RGPD1: variants seen among roughly 807,000 people sequenced by gnomAD.
RGPD1 encodes RANBP2 like and GRIP domain containing 1.
Under a neutral mutation model 40.6 loss-of-function variants are expected in RGPD1, and 7 were observed. That is an observed-to-expected ratio of 0.17 (90% CI 0.10 to 0.32). The LOEUF (loss-of-function observed/expected upper bound fraction) is 0.32, where lower values mean the gene tolerates loss of function less well. Ranked by LOEUF, RGPD1 falls within the 10% of genes least tolerant of loss-of-function variation. The pLI is 1.00. For missense variants in RGPD1, 50 were observed against 472.5 expected (o/e 0.11, Z 8.29); for synonymous variants, 24 against 167.0 (o/e 0.14, Z 6.60).
At chr2:86,931,542 C>G (rs1678962882) in intron 1 of RGPD1, among the ~76,000 whole-genome samples, 2 of 151,900 alleles carry the variant, frequency 1.3e-5, no homozygotes, top group South Asian at 4.1e-4. Flanking sequence ...ATGATTTCAG[C>G]AGATTATTAC....
chr2:86,919,931 C>G (rs1377533006), intron 1 of RGPD1, among the ~76,000 whole-genome samples: 37 of 147,574 alleles, frequency 2.5e-4, no homozygotes, highest in African/African-American at 9.4e-4. Context: ...ACTCAGTGAA[C>G]ATTTGTTGAG....
At chr2:86,934,985 ACAC>A (rs1679250466) in intron 1 of RGPD1, among the ~76,000 whole-genome samples, 1 of 131,832 alleles carries the variant, frequency 7.6e-6, no homozygotes, top group African/African-American at 2.8e-5. Flanking sequence ...CTACGGGCGC[ACAC>A]CACCACGCCC....
At chr2:86,942,642 G>A (rs1436655110) in intron 1 of RGPD1, among the ~76,000 whole-genome samples, 2 of 139,060 alleles carry the variant, frequency 1.4e-5, no homozygotes, top group East Asian at 2.1e-4. Flanking sequence ...TTGAGGCGCC[G>A]GCCTCGACCT....
chr2:86,944,659 C>T (rs1224418281), intron 1 of RGPD1, among the ~76,000 whole-genome samples: 6 of 152,168 alleles, frequency 3.9e-5, no homozygotes, highest in South Asian at 2.1e-4. Flanking sequence ...GTGATTTCCC[C>T]GCCTCCACTT....
chr2:86,918,193 C>A (rs1226796684), intron 1 of RGPD1, among the ~76,000 whole-genome samples: 1 of 151,022 alleles, frequency 6.6e-6, no homozygotes, highest in African/African-American at 2.4e-5. Context: ...TGTACTTATA[C>A]CATCTACTCT....
At chr2:87,009,279 T>C (rs1573657210) in intron 22 of RGPD1, among the ~76,000 whole-genome samples, 1 of 13,452 alleles carries the variant, frequency 7.4e-5, no homozygotes, top group African/African-American at 3.5e-4. Flanking sequence ...CACTCCAGCC[T>C]GGGCAACAGA....
At chr2:86,942,914 C>T (rs1461692169) in intron 1 of RGPD1, among the ~76,000 whole-genome samples, 6 of 152,014 alleles carry the variant, frequency 3.9e-5, no homozygotes, top group South Asian at 2.1e-4. Flanking sequence ...CCCGACGGTG[C>T]TCGCTCGTGG....
At chr2:86,960,689 A>C (rs1680917553) in intron 6 of RGPD1, among the ~76,000 whole-genome samples, 1 of 108,230 alleles carries the variant, frequency 9.2e-6, no homozygotes, top group African/African-American at 5.8e-5. Flanking sequence ...TCCAGGGTTC[A>C]TGCCATTCTC....
At chr2:86,931,936 T>C (rs1419432481) in intron 1 of RGPD1, among the ~76,000 whole-genome samples, 2 of 148,400 alleles carry the variant, frequency 1.3e-5, no homozygotes, top group African/African-American at 2.4e-5. Flanking sequence ...TCATTATATA[T>C]ATATTTATGT....
chr2:86,918,312 A>G (rs1245947040), intron 1 of RGPD1, among the ~76,000 whole-genome samples: 1 of 150,274 alleles, frequency 6.7e-6, no homozygotes, highest in African/African-American at 2.5e-5. Flanking sequence ...AGTATTGGTG[A>G]TCTCCTTCTA....
intron 1 of RGPD1, among the ~76,000 whole-genome samples, chr2:86,944,450 C>G (rs1325498665): frequency 7.9e-5 from 12 of 151,734 alleles, no homozygotes; most frequent in Non-Finnish European, 1.8e-4. Flanking sequence ...TGTCACCCAG[C>G]TGGATGCAGT....
chr2:86,928,741 C>T (rs1225905651), intron 1 of RGPD1, among the ~76,000 whole-genome samples: 1 of 152,166 alleles, frequency 6.6e-6, no homozygotes, highest in Admixed American at 6.5e-5. Context: ...TAGACAGGCA[C>T]CATTCATGAG....
chr2:86,928,730 G>T (rs1678686118), intron 1 of RGPD1, among the ~76,000 whole-genome samples: 1 of 152,228 alleles, frequency 6.6e-6, no homozygotes, highest in East Asian at 1.9e-4. Flanking sequence ...CAATGAGAAA[G>T]TAGACAGGCA....
At chr2:86,918,453 CTTTTTTTT>C (rs1160123598) in intron 1 of RGPD1, among the ~76,000 whole-genome samples, 2 of 78,112 alleles carry the variant, frequency 2.6e-5, no homozygotes, top group Non-Finnish European at 4.5e-5. Context: ...CACACCAAAT[CTTTTTTTT>C]TTTTTTTTTT....
intron 1 of RGPD1, among the ~76,000 whole-genome samples, chr2:86,929,283 C>T (rs1678729161): frequency 6.7e-6 from 1 of 148,842 alleles, no homozygotes; most frequent in Non-Finnish European, 1.5e-5. Context: ...AAGAACCTCA[C>T]AGGTGGGTGA....
Position 86,942,167 on chromosome 2 carries a change from G to C in RGPD1, c.-70G>C, listed in dbSNP as rs1679830753. 5 of 1,528,832 alleles carry C rather than the reference G, an allele frequency of 3.3e-6. No individual in the cohort carries two copies. The highest frequency in any genetic ancestry group is 2.4e-5 in the South Asian group (2 of 83,704). 94.7% of individuals were successfully genotyped at this position (1,528,832 alleles called of 1,614,324 possible). On this transcript the variant is annotated 5_prime_UTR_variant, in exon 1 of 23. Coordinates refer to ENST00000641458, the MANE Select transcript of RGPD1 (RefSeq NM_001382344.1). The stretch of plus-strand genomic sequence containing the variant: ...GTCAGTGGCTTTCAGGCGCTTTCCT[G>C]TTGGAATTGGCGACTGCTGCGGGGC...
intron 1 of RGPD1, among the ~76,000 whole-genome samples, chr2:86,929,278 C>T (rs1397346131): frequency 2.0e-5 from 3 of 148,268 alleles, no homozygotes; most frequent in Non-Finnish European, 4.5e-5. Flanking sequence ...ACAAAAAGAA[C>T]CTCACAGGTG....
At chr2:86,942,337 C>CTCGACCTGGCCGGGCGGCGGCT in intron 1 of RGPD1, 29 bp downstream of exon 1, 1 of 967,204 alleles carries the variant, frequency 1.0e-6, no homozygotes, top group Non-Finnish European at 1.3e-6. Flanking sequence ...GACCGACGGC[C>CTCGACCTGGCCGGGCGGCGGCT]TCGACCTGGC....
intron 4 of RGPD1, among the ~76,000 whole-genome samples, chr2:86,955,935 T>A (rs1441582913): frequency 6.6e-6 from 1 of 150,526 alleles, no homozygotes; most frequent in East Asian, 1.9e-4. Context: ...TTTCTTGCAG[T>A]GTAACAAGTA....
Sources: allele counts gnomAD v4.1 joint callset (sites outside exome capture counted in the v4.1 genomes callset), GRCh38; gene constraint gnomAD v4.1.1; transcripts MANE v1.5; gene names NCBI Gene and HGNC (gene_info 2026-07-23, HGNC 2026-07-21).